Variants in TBC1D32 observed in about 807,000 individuals in gnomAD.
TBC1D32 encodes the protein TBC1 domain family member 32.
Under a neutral mutation model 170.3 loss-of-function variants are expected in TBC1D32, and 151 were observed. The ratio of observed to expected loss-of-function variants is 0.89; its 90% CI spans 0.78 to 1.01. TBC1D32 has a LOEUF of 1.01. Ranked by LOEUF, TBC1D32 falls within the 50% of genes least tolerant of loss-of-function variation. The pLI is 0.00. For synonymous variants in TBC1D32, 498 were observed against 488.0 expected (o/e 1.02, Z -0.27); for missense variants, 1,464 against 1,457.1 (o/e 1.00, Z -0.08).
intron 15 of TBC1D32, among the ~76,000 whole-genome samples, chr6:121,269,843 A>G (rs1801107383): frequency 6.6e-6 from 1 of 152,198 alleles, no homozygotes. Flanking sequence ...TTATTCCAAA[A>G]TTGACCACAT....
chr6:121,079,924 T>A lies in TBC1D32; in HGVS notation c.*847A>T, dbSNP rs1317825484. 1.3e-5 allele frequency: 2 copies of A among 152,142 alleles called. No individual in the cohort carries two copies. Among genetic ancestry groups the A allele is most frequent in the Non-Finnish European group, 2.9e-5 (2 of 68,024 alleles). The allele number at this position is 152,142 out of a possible 1,614,324, so 9.4% of individuals were successfully genotyped here. A position where few individuals can be genotyped will look rare whatever the true frequency, so the allele number is the denominator to read the frequency against. On this transcript the variant is annotated 3_prime_UTR_variant, in exon 32 of 32. Coordinates refer to ENST00000398212, the MANE Select transcript of TBC1D32 (RefSeq NM_152730.6). The stretch of plus-strand genomic sequence containing the variant: ...TCAAACAAAGAATTATAAATTGATA[T>A]GGGTATCAAAAGCAACTCCTAAAAA...
At chr6:121,264,921 A>G (rs113554822) in intron 15 of TBC1D32, among the ~76,000 whole-genome samples, 2,883 of 152,300 alleles carry the variant, frequency 0.019, 103 homozygotes, top group African/African-American at 0.066. Context: ...TCTCAAAATA[A>G]TAAGAGCTAT....
At chr6:121,179,729 T>C (rs1788266344) in intron 22 of TBC1D32, among the ~76,000 whole-genome samples, 1 of 152,152 alleles carries the variant, frequency 6.6e-6, no homozygotes, top group Non-Finnish European at 1.5e-5. Flanking sequence ...GTGCAGAATG[T>C]AACAAAATAA....
chr6:121,141,928 T>A (rs957639334), intron 24 of TBC1D32, among the ~76,000 whole-genome samples: 16 of 152,084 alleles, frequency 1.1e-4, no homozygotes, highest in Admixed American at 6.5e-5. Context: ...AAAAAGCAAA[T>A]AACAAGGGAA....
intron 30 of TBC1D32, among the ~76,000 whole-genome samples, chr6:121,103,107 G>A (rs1004455446): frequency 2.0e-5 from 3 of 152,120 alleles, no homozygotes; most frequent in African/African-American, 7.2e-5. Flanking sequence ...AGGATGTGGA[G>A]AAATAGGAAC....
intron 28 of TBC1D32, 84 bp from the exon 29 acceptor site, chr6:121,112,743 T>A: frequency 1.7e-6 from 2 of 1,177,838 alleles, no homozygotes; most frequent in South Asian, 1.9e-5. Context: ...ATGAATATAT[T>A]AAATAAAAAG....
At chr6:121,115,387 T>C (rs944584791) in intron 26 of TBC1D32, 146 bp from the exon 27 acceptor site, 6 of 510,194 alleles carry the variant, frequency 1.2e-5, no homozygotes, top group East Asian at 6.7e-5. Context: ...TTAGGAACTG[T>C]CAGTTACATT....
intron 22 of TBC1D32, among the ~76,000 whole-genome samples, chr6:121,178,385 G>A (rs1043747792): frequency 2.2e-4 from 33 of 152,130 alleles, no homozygotes; most frequent in Non-Finnish European, 3.8e-4. Context: ...GTACAGGACT[G>A]AGATTACCTG....
chr6:121,112,003 TA>T (rs1426011107), intron 29 of TBC1D32, among the ~76,000 whole-genome samples: 6 of 152,296 alleles, frequency 3.9e-5, no homozygotes, highest in African/African-American at 1.4e-4. Context: ...ACCTCTAAAG[TA>T]ACCTCTGAGA....
At chr6:121,291,906 C>T (rs1353603130) in intron 12 of TBC1D32, 147 bp downstream of exon 12, 2 of 773,544 alleles carry the variant, frequency 2.6e-6, no homozygotes, top group Admixed American at 4.6e-5. Flanking sequence ...AAAACAAATA[C>T]TTCAAAGTGT....
chr6:121,150,497 C>A (rs1217754932), intron 24 of TBC1D32, among the ~76,000 whole-genome samples: 1 of 152,160 alleles, frequency 6.6e-6, no homozygotes, highest in African/African-American at 2.4e-5. Context: ...GTTTTGGTAT[C>A]AGGATGATGC....
At chr6:121,190,912 C>T (rs1409054645) in intron 22 of TBC1D32, among the ~76,000 whole-genome samples, 1 of 151,374 alleles carries the variant, frequency 6.6e-6, no homozygotes, top group East Asian at 1.9e-4. Context: ...CCGCCACTTT[C>T]TCCTAGTACT....
At chr6:121,261,834 T>G (rs941829133) in intron 15 of TBC1D32, among the ~76,000 whole-genome samples, 8 of 152,046 alleles carry the variant, frequency 5.3e-5, no homozygotes, top group African/African-American at 9.7e-5. Context: ...CAAACTTCAA[T>G]GAGGTAAAGG....
At chr6:121,157,115 T>C (rs1785000142) in intron 24 of TBC1D32, among the ~76,000 whole-genome samples, 1 of 152,104 alleles carries the variant, frequency 6.6e-6, no homozygotes, top group South Asian at 2.1e-4. Context: ...GGTGTTGAAG[T>C]CCATCACTAT....
chr6:121,333,965 G>T (rs1811532393), intron 1 of TBC1D32, among the ~76,000 whole-genome samples: 1 of 152,188 alleles, frequency 6.6e-6, no homozygotes. Context: ...TACTCGGGAG[G>T]CTGAGGCTGG....
intron 3 of TBC1D32, among the ~76,000 whole-genome samples, chr6:121,312,915 G>A (rs910624232): frequency 6.6e-6 from 1 of 152,146 alleles, no homozygotes. Flanking sequence ...CTCTGTAACT[G>A]AGTAGCTTTC....
At chr6:121,310,388 ATAAT>A (rs1452030964) in intron 4 of TBC1D32, among the ~76,000 whole-genome samples, 3 of 152,226 alleles carry the variant, frequency 2.0e-5, no homozygotes, top group Non-Finnish European at 4.4e-5. Flanking sequence ...ATCATTAAAA[ATAAT>A]TATTTTAAAA....
At chr6:121,136,718 T>C (rs1782128366) in intron 24 of TBC1D32, among the ~76,000 whole-genome samples, 1 of 152,178 alleles carries the variant, frequency 6.6e-6, no homozygotes, top group Admixed American at 6.5e-5. Context: ...TATTTGATTA[T>C]GGTGGTGGCG....
chr6:121,276,765 T>C (rs767125949), intron 15 of TBC1D32, among the ~76,000 whole-genome samples: 49 of 152,114 alleles, frequency 3.2e-4, no homozygotes, highest in Non-Finnish European at 5.1e-4. Context: ...CTGTATTAGT[T>C]TCAGACAAAG....
Sources: gnomAD v4.1 joint callset for allele counts (sites outside exome capture counted in the v4.1 genomes callset) on GRCh38, gnomAD v4.1.1 for gene constraint, MANE v1.5 for transcripts, NCBI Gene and HGNC (gene_info 2026-07-23, HGNC 2026-07-21) for gene names.